CDYL: variants seen among roughly 807,000 people sequenced by gnomAD.
CDYL encodes the protein chromodomain Y-like protein.
Under a neutral mutation model 47.3 loss-of-function variants are expected in CDYL, and 8 were observed. The ratio of observed to expected loss-of-function variants is 0.17; its 90% CI spans 0.10 to 0.31. CDYL has a LOEUF of 0.31. Ranked by LOEUF, CDYL falls within the 10% of genes least tolerant of loss-of-function variation. CDYL has a pLI of 1.00. For synonymous variants in CDYL, 266 were observed against 265.0 expected, an observed-to-expected ratio of 1.00 and a Z score of -0.04; for missense variants, 471 against 701.4, an observed-to-expected ratio of 0.67 and a Z score of 3.71.
At chr6:4,840,741 AC>A (rs1159193724) in intron 1 of CDYL, among the ~76,000 whole-genome samples, 1 of 151,870 alleles carries the variant, frequency 6.6e-6, no homozygotes, top group Non-Finnish European at 1.5e-5. Context: ...CTGATATGAA[AC>A]CCACTTGATC....
intron 1 of CDYL, among the ~76,000 whole-genome samples, chr6:4,841,243 G>T (rs1760480569): frequency 6.6e-6 from 1 of 152,120 alleles, no homozygotes; most frequent in South Asian, 2.1e-4. Context: ...TATTTCTGTG[G>T]TATCAGTTGT....
Position 4,931,163 on chromosome 6 carries a change from T to A in CDYL, c.692-4352T>A, listed in dbSNP as rs186697574. On this transcript the variant is annotated intron_variant, in intron 2 of 6. Transcript: ENST00000397588. ...TTGAAGACCCTTTCCATGAGTTTAC[T>A]GAGTAAACATGTACTGAGTGTTGTA... is the stretch of plus-strand genomic sequence containing the variant. Among the ~76,000 whole-genome samples the A allele has an allele frequency of 9.7e-4, 148 of 152,334 alleles. 2 individuals are homozygous for A. In the South Asian group the frequency reaches 0.013, roughly 14 times the overall value.
At chr6:4,713,376 G>A (rs1240882056) in intron 1 of CDYL, among the ~76,000 whole-genome samples, 1 of 152,236 alleles carries the variant, frequency 6.6e-6, no homozygotes, top group South Asian at 2.1e-4. Flanking sequence ...CAGGCCGCAG[G>A]CTACGTGGGA....
intron 3 of CDYL, among the ~76,000 whole-genome samples, chr6:4,762,649 A>C: frequency 9.3e-6 from 1 of 107,534 alleles, no homozygotes; most frequent in African/African-American, 4.7e-5. Context: ...GGGTACCAAA[A>C]AAAAAAAAAA....
intron 1 of CDYL, among the ~76,000 whole-genome samples, chr6:4,837,346 A>G (rs1327696207): frequency 6.6e-6 from 1 of 152,254 alleles, no homozygotes; most frequent in Non-Finnish European, 1.5e-5. Context: ...AGTGATAGAC[A>G]TAAAGTAGTT....
chr6:4,795,969 T>A (rs76573671), intron 1 of CDYL, among the ~76,000 whole-genome samples: 1 of 152,202 alleles, frequency 6.6e-6, no homozygotes, highest in Non-Finnish European at 1.5e-5. Flanking sequence ...TCACTTTTTT[T>A]CCTGAGACAG....
At chr6:4,787,426 C>G (rs1758784143) in intron 1 of CDYL, among the ~76,000 whole-genome samples, 1 of 152,142 alleles carries the variant, frequency 6.6e-6, no homozygotes, top group Non-Finnish European at 1.5e-5. Context: ...AGATACATAT[C>G]TAAATGTGCA....
chr6:4,845,139 C>G (rs1276187355), intron 1 of CDYL, among the ~76,000 whole-genome samples: 2 of 152,206 alleles, frequency 1.3e-5, no homozygotes, highest in Non-Finnish European at 2.9e-5. Flanking sequence ...GTTAATTTCA[C>G]TGCATGCTTA....
chr6:4,953,920 T>A lies in CDYL; in HGVS notation c.1499T>A (p.Leu500His). 6.2e-7 allele frequency: 1 copy of A among 1,613,640 alleles called. No individual in the cohort carries two copies. Among genetic ancestry groups the A allele is most frequent in the Non-Finnish European group, 8.5e-7 (1 of 1,179,918 alleles). Residue 500 changes from leucine (L) to histidine (H), a missense_variant, in exon 7 of 7, where the codon CTC becomes CAC. Leu to His is a moderately conservative substitution (Grantham distance 99). Coordinates refer to ENST00000397588, the MANE Select transcript of CDYL (RefSeq NM_004824.4). Reference protein sequence around the residue: ...NPVVLEESKALVRCNMKMELE... With the variant: ...NPVVLEESKAHVRCNMKMELE... Reference sequence around the variant, plus strand: ...CAGGTGCTTGAGGAATCCAAAGCCCTCGTGCGCTGCAACATGAAGATGGAG... The same window carrying A: ...CAGGTGCTTGAGGAATCCAAAGCCCACGTGCGCTGCAACATGAAGATGGAG...
intron 1 of CDYL, among the ~76,000 whole-genome samples, chr6:4,831,136 G>T (rs1760130853): frequency 6.6e-6 from 1 of 152,122 alleles, no homozygotes. Context: ...GGATGGCTGG[G>T]TCAAATGGTA....
intron 2 of CDYL, among the ~76,000 whole-genome samples, chr6:4,934,901 T>G (rs1758141224): frequency 1.3e-5 from 2 of 152,142 alleles, no homozygotes; most frequent in African/African-American, 4.8e-5. Context: ...TTCAGCTGCT[T>G]AACAGGGCTG....
chr6:4,795,712 T>C (rs1759052663), intron 1 of CDYL, among the ~76,000 whole-genome samples: 1 of 152,092 alleles, frequency 6.6e-6, no homozygotes, highest in Non-Finnish European at 1.5e-5. Flanking sequence ...TTTTCTCTTT[T>C]TTTTTTTAAA....
intron 2 of CDYL, among the ~76,000 whole-genome samples, chr6:4,929,493 TACACACACACAC>T (rs71540836): frequency 7.7e-4 from 111 of 144,034 alleles, no homozygotes; most frequent in Admixed American, 1.7e-3. Context: ...ATGTTTTACT[TACACACACACAC>T]ACACACACAC....
chr6:4,724,775 T>A (rs909558003), intron 2 of CDYL: 4 of 152,194 alleles, frequency 2.6e-5, no homozygotes, highest in Non-Finnish European at 5.9e-5. Context: ...GGGTGAGTGC[T>A]ACAACTCACA....
At position 4,814,659 on chromosome 6, in the gene CDYL, A is replaced by G. The variant is rs988034293; in HGVS notation, c.24+37852A>G. On this transcript the variant is annotated intron_variant, in intron 1 of 6. Coordinates refer to ENST00000397588, the MANE Select transcript of CDYL (RefSeq NM_004824.4). ...TCGTGCCCCAGCCTCCCTGGTAGCT[A>G]GGATTACAGCCGGCTACCATGCCTG... is the stretch of plus-strand genomic sequence containing the variant. 3.3e-5 allele frequency among the ~76,000 whole-genome samples: 5 copies of G among 152,060 alleles called. 1 individual carries two copies. Among genetic ancestry groups the G allele is most frequent in the Non-Finnish European group, 7.4e-5 (5 of 67,990 alleles).
chr6:4,746,821 T>A (rs1249550209), intron 3 of CDYL, among the ~76,000 whole-genome samples: 1 of 152,062 alleles, frequency 6.6e-6, no homozygotes, highest in African/African-American at 2.4e-5. Context: ...AGAAGAGGAC[T>A]GTTGGCCTCC....
intron 5 of CDYL, among the ~76,000 whole-genome samples, chr6:4,949,907 T>C (rs1182044910): frequency 6.6e-6 from 1 of 152,190 alleles, no homozygotes; most frequent in Non-Finnish European, 1.5e-5. Flanking sequence ...TCATTTTTGC[T>C]CTTGAGTAAA....
chr6:4,777,109 G>A (rs62384849), intron 1 of CDYL, among the ~76,000 whole-genome samples: 29,686 of 145,612 alleles, frequency 0.2, 4,693 homozygotes, highest in African/African-American at 0.44. Flanking sequence ...GGCGTGGGTC[G>A]TGGAAGTGGT....
Position 4,741,208 on chromosome 6 carries a change from C to G in CDYL, c.186+6364C>G, listed in dbSNP as rs145485423. Among the ~76,000 whole-genome samples, 105 of 152,268 alleles carry G rather than the reference C, an allele frequency of 6.9e-4. 1 individual carries two copies. In the South Asian group the frequency reaches 0.016, roughly 23 times the overall value. Reference sequence around the variant, plus strand: ...TTCCAAAGCCAAAGGAAGCACAACACAGGTATTTCTTTTCAACCTCCCAGG... The same window carrying G: ...TTCCAAAGCCAAAGGAAGCACAACAGAGGTATTTCTTTTCAACCTCCCAGG... On this transcript the variant is annotated intron_variant, in intron 3 of 8. Transcript: ENST00000328908.
Sources: gnomAD v4.1 joint callset for allele counts (sites outside exome capture counted in the v4.1 genomes callset) on GRCh38, gnomAD v4.1.1 for gene constraint, MANE v1.5 for transcripts, NCBI Gene and HGNC (gene_info 2026-07-23, HGNC 2026-07-21) for gene names.